Variants in TMEM132D observed in about 807,000 individuals in gnomAD.
TMEM132D encodes mature OL transmembrane protein.
TMEM132D carries 21 observed loss-of-function variants against 62.3 expected under a neutral mutation model. The observed-to-expected ratio is 0.34, with a 90% confidence interval of 0.24 to 0.49. TMEM132D has a LOEUF of 0.49. Ranked by LOEUF, TMEM132D falls within the 20% of genes least tolerant of loss-of-function variation. The pLI is 0.99. For synonymous variants in TMEM132D, 621 were observed against 575.6 expected (o/e 1.08, Z -1.13); for missense variants, 1,346 against 1,402.8 (o/e 0.96, Z 0.65).
intron 3 of TMEM132D, among the ~76,000 whole-genome samples, chr12:129,440,228 A>C (rs1472156631): frequency 6.6e-6 from 1 of 152,214 alleles, no homozygotes; most frequent in African/African-American, 2.4e-5. Context: ...GATAACATGA[A>C]AGTGGGACTT....
intron 2 of TMEM132D, among the ~76,000 whole-genome samples, chr12:129,569,412 G>C (rs1317096489): frequency 6.6e-6 from 1 of 152,108 alleles, no homozygotes; most frequent in African/African-American, 2.4e-5. Flanking sequence ...CCTGCCACCA[G>C]GCTTAGCAAG....
At chr12:129,140,762 G>A (rs753310786) in intron 5 of TMEM132D, among the ~76,000 whole-genome samples, 1 of 151,478 alleles carries the variant, frequency 6.6e-6, no homozygotes, top group Non-Finnish European at 1.5e-5. Flanking sequence ...TCGCTTGAAC[G>A]CTGGTGGTGG....
At chr12:129,699,476 T>C (rs991796896) in intron 2 of TMEM132D, among the ~76,000 whole-genome samples, 16 of 152,316 alleles carry the variant, frequency 1.1e-4, no homozygotes, top group Middle Eastern at 3.4e-3. Flanking sequence ...CATTTAACTC[T>C]CCCAATTTTG....
intron 4 of TMEM132D, among the ~76,000 whole-genome samples, chr12:129,242,655 G>T (rs1879966742): frequency 6.6e-6 from 1 of 151,732 alleles, no homozygotes; most frequent in Non-Finnish European, 1.5e-5. Flanking sequence ...TATTTACCCA[G>T]GCTTTTAAAG....
intron 2 of TMEM132D, among the ~76,000 whole-genome samples, chr12:129,570,011 G>A (rs577402485): frequency 6.6e-6 from 1 of 152,158 alleles, no homozygotes; most frequent in Non-Finnish European, 1.5e-5. Flanking sequence ...TCTACGGGAA[G>A]AGACTCAAAG....
chr12:129,497,085 A>G (rs1362675215), intron 3 of TMEM132D, among the ~76,000 whole-genome samples: 3 of 152,130 alleles, frequency 2.0e-5, no homozygotes, highest in African/African-American at 7.2e-5. Flanking sequence ...AGACGGGTGG[A>G]TCACCTGAGG....
At chr12:129,708,078 G>C (rs765270711) in intron 1 of TMEM132D, among the ~76,000 whole-genome samples, 2 of 152,186 alleles carry the variant, frequency 1.3e-5, no homozygotes, top group African/African-American at 4.8e-5. Context: ...TCAGCTGGGC[G>C]TGGTGGCATG....
At chr12:129,567,931 A>G (rs1277322542) in intron 2 of TMEM132D, among the ~76,000 whole-genome samples, 1 of 152,154 alleles carries the variant, frequency 6.6e-6, no homozygotes, top group East Asian at 1.9e-4. Flanking sequence ...TATCTCCCAT[A>G]TGTCTTGATG....
intron 1 of TMEM132D, chr12:129,854,481 C>A (rs1873652505): frequency 6.6e-6 from 1 of 152,182 alleles, no homozygotes; most frequent in South Asian, 2.1e-4. Flanking sequence ...CCACAATTCC[C>A]CACAGTTCTT....
At chr12:129,889,025 C>T (rs1000092064) in intron 1 of TMEM132D, among the ~76,000 whole-genome samples, 1 of 152,088 alleles carries the variant, frequency 6.6e-6, no homozygotes, top group Non-Finnish European at 1.5e-5. Context: ...CTAAGAGAAA[C>T]GTTCTTTCTT....
At chr12:129,859,074 G>C (rs941369522) in intron 1 of TMEM132D, among the ~76,000 whole-genome samples, 1 of 152,122 alleles carries the variant, frequency 6.6e-6, no homozygotes, top group East Asian at 1.9e-4. Context: ...CCGGGGGAAC[G>C]GGATGGGTGC....
At chr12:129,236,263 T>C (rs1019961846) in intron 4 of TMEM132D, among the ~76,000 whole-genome samples, 1 of 151,948 alleles carries the variant, frequency 6.6e-6, no homozygotes, top group Non-Finnish European at 1.5e-5. Flanking sequence ...ACGCTTGTTA[T>C]CCCAGCACTT....
At chr12:129,733,846 G>A (rs1438545009) in intron 1 of TMEM132D, among the ~76,000 whole-genome samples, 1 of 152,170 alleles carries the variant, frequency 6.6e-6, no homozygotes, top group East Asian at 1.9e-4. Flanking sequence ...GAGCCAACAG[G>A]ATCTGCTGAT....
intron 5 of TMEM132D, among the ~76,000 whole-genome samples, chr12:129,167,531 A>G (rs1283841766): frequency 6.6e-6 from 1 of 152,122 alleles, no homozygotes; most frequent in East Asian, 1.9e-4. Context: ...GGGCCTCTGC[A>G]GGAGTACAGG....
chr12:129,207,847 G>A (rs11060201), intron 5 of TMEM132D, among the ~76,000 whole-genome samples: 41,729 of 151,992 alleles, frequency 0.27, 5,915 homozygotes, highest in Middle Eastern at 0.37. Flanking sequence ...AAAATTTGTG[G>A]AGATCAAATC....
At chr12:129,333,197 G>C (rs73422268) in intron 4 of TMEM132D, among the ~76,000 whole-genome samples, 4,823 of 152,266 alleles carry the variant, frequency 0.032, 234 homozygotes, top group African/African-American at 0.11. Context: ...TTTCATGTTG[G>C]AGGAAGCTGC....
intron 1 of TMEM132D, among the ~76,000 whole-genome samples, chr12:129,815,535 C>A (rs1431533422): frequency 2.0e-5 from 3 of 152,208 alleles, no homozygotes; most frequent in African/African-American, 7.2e-5. Context: ...AGGGGCCCGA[C>A]TGCATTTCTA....
intron 5 of TMEM132D, among the ~76,000 whole-genome samples, chr12:129,157,710 T>G (rs1877288054): frequency 6.6e-6 from 1 of 152,232 alleles, no homozygotes; most frequent in Admixed American, 6.5e-5. Context: ...CCATCTGGTC[T>G]TTGTAATGCC....
At chr12:129,621,563 C>T (rs1879069193) in intron 2 of TMEM132D, among the ~76,000 whole-genome samples, 2 of 152,130 alleles carry the variant, frequency 1.3e-5, no homozygotes. Flanking sequence ...TTAACATTCT[C>T]TCCCCACTCC....
Sources: gnomAD v4.1 joint callset for allele counts (sites outside exome capture counted in the v4.1 genomes callset) on GRCh38, gnomAD v4.1.1 for gene constraint, MANE v1.5 for transcripts, NCBI Gene and HGNC (gene_info 2026-07-23, HGNC 2026-07-21) for gene names.